Variants in RTN1 observed in about 807,000 individuals in gnomAD.
The protein encoded by RTN1 is reticulon-1.
RTN1 carries 25 observed loss-of-function variants against 65.5 expected under a neutral mutation model. That is an observed-to-expected ratio of 0.38 (90% CI 0.28 to 0.53). The LOEUF is 0.53. Ranked by LOEUF, RTN1 falls within the 20% of genes least tolerant of loss-of-function variation. The pLI is 0.79. For synonymous variants in RTN1, 471 were observed against 447.6 expected, an observed-to-expected ratio of 1.05 and a Z score of -0.66; for missense variants, 983 against 1,025.4, an observed-to-expected ratio of 0.96 and a Z score of 0.57.
intron 3 of RTN1, among the ~76,000 whole-genome samples, chr14:59,676,688 T>C (rs1883635230): frequency 6.6e-6 from 1 of 152,152 alleles, no homozygotes; most frequent in Non-Finnish European, 1.5e-5. Context: ...AATAATTCAG[T>C]ATACTCACTA....
intron 1 of RTN1, among the ~76,000 whole-genome samples, chr14:59,757,739 C>A (rs1438423344): frequency 6.6e-6 from 1 of 152,130 alleles, no homozygotes; most frequent in Admixed American, 6.5e-5. Flanking sequence ...CTACCAGTGC[C>A]TTGATCTTGG....
intron 1 of RTN1, among the ~76,000 whole-genome samples, chr14:59,854,534 G>A (rs890921897): frequency 7.9e-5 from 12 of 151,206 alleles, no homozygotes; most frequent in African/African-American, 1.2e-4. Context: ...CCAGCTACTC[G>A]GGAGGCTGAG....
At chr14:59,741,857 A>T (rs923261342) in intron 2 of RTN1, among the ~76,000 whole-genome samples, 1 of 152,132 alleles carries the variant, frequency 6.6e-6, no homozygotes, top group African/African-American at 2.4e-5. Flanking sequence ...CTGCTCATTC[A>T]GATTTCAGTT....
chr14:59,772,010 G>C (rs1434337579), intron 1 of RTN1, among the ~76,000 whole-genome samples: 6 of 152,142 alleles, frequency 3.9e-5, no homozygotes, highest in Non-Finnish European at 7.4e-5. Context: ...AATTACTTCT[G>C]ATAATATGTA....
chr14:59,745,487 C>T (rs1885197750), intron 2 of RTN1, among the ~76,000 whole-genome samples: 1 of 152,040 alleles, frequency 6.6e-6, no homozygotes, highest in Non-Finnish European at 1.5e-5. Flanking sequence ...CAAAGAAAAC[C>T]TGATAGGACT....
At chr14:59,640,483 A>AT (rs1401109907) in intron 3 of RTN1, among the ~76,000 whole-genome samples, 2 of 151,858 alleles carry the variant, frequency 1.3e-5, no homozygotes, top group African/African-American at 4.8e-5. Flanking sequence ...CGCACAGCTG[A>AT]TTTTTGTATT....
intron 1 of RTN1, among the ~76,000 whole-genome samples, chr14:59,817,704 G>A (rs1202588607): frequency 6.6e-6 from 1 of 151,364 alleles, no homozygotes; most frequent in African/African-American, 2.4e-5. Context: ...CACGACTCTT[G>A]GACCACCCTG....
chr14:59,692,074 C>T lies in RTN1; in HGVS notation c.1765+34845G>A, dbSNP rs369201969. ...CCACTCCAATATAGTACTGGAAGTA[C>T]TAGCCAGAGCAAACAGACAAAAGAA... is the stretch of plus-strand genomic sequence containing the variant. On this transcript the variant is annotated intron_variant, in intron 3 of 8. Transcript: ENST00000267484. 6.6e-5 allele frequency among the ~76,000 whole-genome samples: 10 copies of T among 152,106 alleles called. No homozygotes were observed. In the East Asian group the frequency reaches 9.6e-4, roughly 15 times the overall value.
chr14:59,840,774 A>T (rs1887297008), intron 1 of RTN1, among the ~76,000 whole-genome samples: 1 of 152,220 alleles, frequency 6.6e-6, no homozygotes, highest in South Asian at 2.1e-4. Context: ...ATTTTTCATG[A>T]GAAAGCAGCC....
At chr14:59,749,959 T>TATATATTATATAC in intron 1 of RTN1, among the ~76,000 whole-genome samples, 1 of 100,922 alleles carries the variant, frequency 9.9e-6, no homozygotes, top group Non-Finnish European at 1.8e-5. Context: ...ATATGTTATA[T>TATATATTATATAC]ATATATTATA....
intron 1 of RTN1, among the ~76,000 whole-genome samples, chr14:59,837,605 A>G (rs1049069829): frequency 3.3e-5 from 5 of 152,106 alleles, no homozygotes; most frequent in Non-Finnish European, 5.9e-5. Context: ...TAGAAATCCA[A>G]GTAAGTGATC....
intron 1 of RTN1, among the ~76,000 whole-genome samples, chr14:59,779,894 G>A (rs1478740180): frequency 6.6e-6 from 1 of 152,094 alleles, no homozygotes; most frequent in East Asian, 1.9e-4. Context: ...TAAGGCACAG[G>A]TATTAAATGA....
At chr14:59,749,998 T>C (rs1380405363) in intron 1 of RTN1, among the ~76,000 whole-genome samples, 1 of 89,820 alleles carries the variant, frequency 1.1e-5, no homozygotes, top group Non-Finnish European at 2.0e-5. Context: ...TATACATATA[T>C]ATTATATACA....
chr14:59,627,499 G>C (rs1882431834), intron 3 of RTN1, among the ~76,000 whole-genome samples: 1 of 152,212 alleles, frequency 6.6e-6, no homozygotes, highest in Non-Finnish European at 1.5e-5. Context: ...TTGTAGGATG[G>C]TACTGATCTG....
chr14:59,676,487 A>G (rs1883629923), intron 3 of RTN1, among the ~76,000 whole-genome samples: 1 of 152,218 alleles, frequency 6.6e-6, no homozygotes, highest in South Asian at 2.1e-4. Flanking sequence ...GCAAAGAAGC[A>G]TTAACGAAAT....
chr14:59,634,047 C>CA (rs1882611103), intron 3 of RTN1, among the ~76,000 whole-genome samples: 1 of 151,848 alleles, frequency 6.6e-6, no homozygotes, highest in Admixed American at 6.6e-5. Flanking sequence ...AAATAATAAC[C>CA]AAAAAGGTAA....
At chr14:59,824,717 C>T (rs1887000828) in intron 1 of RTN1, among the ~76,000 whole-genome samples, 1 of 152,146 alleles carries the variant, frequency 6.6e-6, no homozygotes, top group South Asian at 2.1e-4. Flanking sequence ...GGTACTGCAG[C>T]CACAAAAAGG....
chr14:59,613,797 C>A (rs1259685348), intron 3 of RTN1, among the ~76,000 whole-genome samples: 2 of 141,344 alleles, frequency 1.4e-5, no homozygotes, highest in South Asian at 2.5e-4. Flanking sequence ...CACCACATAC[C>A]CTGTTTTGGA....
chr14:59,726,783 C>A (rs570649159), intron 3 of RTN1, 136 bp downstream of exon 3: 28 of 764,352 alleles, frequency 3.7e-5, no homozygotes, highest in Non-Finnish European at 4.8e-5. Flanking sequence ...TCCCATCCCC[C>A]CTGGAACCGT....
Sources: gnomAD v4.1 joint callset for allele counts (sites outside exome capture counted in the v4.1 genomes callset) on GRCh38, gnomAD v4.1.1 for gene constraint, MANE v1.5 for transcripts, NCBI Gene and HGNC (gene_info 2026-07-23, HGNC 2026-07-21) for gene names.